Variants in MYH15 observed in about 807,000 individuals in gnomAD.
MYH15 encodes myosin-15.
Under a neutral mutation model 240.5 loss-of-function variants are expected in MYH15, and 227 were observed. The ratio of observed to expected loss-of-function variants is 0.94; its 90% confidence interval spans 0.85 to 1.05. MYH15 has a LOEUF of 1.05. Ranked by LOEUF, MYH15 falls within the 50% of genes least tolerant of loss-of-function variation. MYH15 has a pLI of 0.00. For synonymous variants in MYH15, 785 were observed against 796.7 expected, an observed-to-expected ratio of 0.99 and a Z score of 0.25; for missense variants, 2,217 against 2,247.5, an observed-to-expected ratio of 0.99 and a Z score of 0.27.
chr3:108,433,306 C>T lies in MYH15; in HGVS notation c.3222-2384G>A, dbSNP rs572075917. Among the ~76,000 whole-genome samples, 163 of 152,256 alleles carry T rather than the reference C, an allele frequency of 1.1e-3. 1 individual carries two copies. The South Asian group carries it at 0.011, about 10-fold the overall frequency. Reference sequence around the variant, plus strand: ...TGGCTGTATTTACCCAGTGCCTGTACCCCCATTGTGTCTAGGAAATAACTA... The same window carrying T: ...TGGCTGTATTTACCCAGTGCCTGTATCCCCATTGTGTCTAGGAAATAACTA... On this transcript the variant is annotated intron_variant, in intron 25 of 40. Coordinates refer to ENST00000693548, the MANE Select transcript of MYH15 (RefSeq NM_014981.3).
At chr3:108,408,532 C>A (rs562674066) in intron 31 of MYH15, 128 bp from the exon 32 acceptor site, 19 of 910,732 alleles carry the variant, frequency 2.1e-5, no homozygotes, top group Non-Finnish European at 2.9e-5. Context: ...AACTTGATGA[C>A]CTATCCTATA....
At chr3:108,549,782 G>A in the MYH15 span, 1 of 151,898 alleles carries the variant, frequency 6.6e-6, no homozygotes, top group Non-Finnish European at 1.5e-5. Context: ...GCTGTCTCAA[G>A]ATGTCTAAAT....
intron 38 of MYH15, 68 bp downstream of exon 38, chr3:108,388,902 G>A: frequency 1.1e-5 from 15 of 1,396,802 alleles, no homozygotes; most frequent in Non-Finnish European, 1.3e-5. Context: ...GCCATTTCAG[G>A]CTTGAAGGAG....
rs1207822793 is a variant in MYH15, at chr3:108,428,551, C to G, written c.3643G>C (p.Asp1215His). Residue 1215 changes from aspartate to histidine, a missense_variant, in exon 27 of 41, where the codon GAC becomes CAC. By Grantham distance (81) the Asp-to-His change is moderately conservative. Transcript: ENST00000693548. The stretch of plus-strand genomic sequence containing the variant: ...AGGTCATCTACTTCTAGCTGCAAGT[C>G]ACTCTTGTCTTTTTCCAGTTTCTGC... ...VKQKLEKDKSDLQLEVDDLLT... is the reference protein window; with the variant it reads ...VKQKLEKDKSHLQLEVDDLLT... 3 of 1,614,146 alleles carry G rather than the reference C, an allele frequency of 1.9e-6. No individual in the cohort carries two copies. The highest frequency in any genetic ancestry group is 1.1e-5 in the South Asian group (1 of 91,072).
intron 31 of MYH15, among the ~76,000 whole-genome samples, chr3:108,409,198 A>G (rs554018335): frequency 6.6e-6 from 1 of 152,288 alleles, no homozygotes; most frequent in Non-Finnish European, 1.5e-5. Flanking sequence ...ACAAAGACAA[A>G]TATGTTAGAT....
intron 11 of MYH15, among the ~76,000 whole-genome samples, chr3:108,481,966 A>G (rs935805944): frequency 1.3e-5 from 2 of 152,154 alleles, no homozygotes; most frequent in African/African-American, 2.4e-5. Flanking sequence ...GACTGACAGT[A>G]GCTTCTGGGT....
rs754046893 is a variant in MYH15 at position 108,455,757 on chromosome 3, C to A, written c.2241G>T (p.Gln747His). The A allele has an allele frequency of 1.2e-6, 2 of 1,613,890 alleles. No homozygotes were observed. Among genetic ancestry groups the A allele is most frequent in the East Asian group, 4.5e-5 (2 of 44,860 alleles). Residue 747 changes from glutamine to histidine, a missense_variant, in exon 20 of 41, where the codon CAG becomes CAT. Gln to His is a conservative substitution (Grantham distance 24). Transcript: ENST00000693548. ...TTACCTTAGTGATTCCAAATCGGTA[C>A]TGGGTATGGTCTATCTCCAAGGAGC... ...LLGSLEIDHTQYRFGITKVFF... is the reference protein window; with the variant it reads ...LLGSLEIDHTHYRFGITKVFF...
chr3:108,480,236 T>G (rs1051085483), intron 11 of MYH15, among the ~76,000 whole-genome samples: 5 of 152,152 alleles, frequency 3.3e-5, no homozygotes, highest in African/African-American at 1.2e-4. Flanking sequence ...CCTTGAAGGA[T>G]GACAAGAGTT....
chr3:108,442,453 T>C (rs11917472), intron 22 of MYH15, among the ~76,000 whole-genome samples: 4,393 of 152,214 alleles, frequency 0.029, 190 homozygotes, highest in African/African-American at 0.095. Flanking sequence ...AAGCTTCCAA[T>C]GTATGGGAAA....
the MYH15 span, among the ~76,000 whole-genome samples, chr3:108,536,244 GAC>G: frequency 2.0e-5 from 3 of 152,248 alleles, no homozygotes; most frequent in South Asian, 6.2e-4. Flanking sequence ...CATCCTAGGT[GAC>G]AGAGTGAGAC....
intron 38 of MYH15, among the ~76,000 whole-genome samples, chr3:108,386,172 T>C (rs957692033): frequency 2.6e-5 from 4 of 152,204 alleles, no homozygotes; most frequent in Non-Finnish European, 5.9e-5. Flanking sequence ...ATAATCAGTT[T>C]ACTGAGAAGA....
chr3:108,464,003 T>C (rs1391416835), intron 15 of MYH15, among the ~76,000 whole-genome samples: 1 of 152,122 alleles, frequency 6.6e-6, no homozygotes, highest in Non-Finnish European at 1.5e-5. Flanking sequence ...ACTGTATATA[T>C]CATTATAATT....
chr3:108,497,951 G>A (rs1201295107), intron 6 of MYH15, 101 bp downstream of exon 6: 1 of 921,752 alleles, frequency 1.1e-6, no homozygotes, highest in Non-Finnish European at 1.8e-6. Context: ...TTGTCCTGTG[G>A]TGCTTGTGGC....
Position 108,391,879 on chromosome 3 carries a change from A to C in MYH15, c.5311T>G (p.Leu1771Val), listed in dbSNP as rs758293096. The C allele has an allele frequency of 2.5e-6, 4 of 1,614,090 alleles. No homozygotes were observed. The highest frequency in any genetic ancestry group is 3.4e-6 in the Non-Finnish European group (4 of 1,179,988). Residue 1771 changes from leucine (L) to valine (V), a missense_variant, in exon 37 of 41, where the codon TTG (leucine) becomes GTG (valine). By Grantham distance (32) the Leu-to-Val change is conservative (BLOSUM62 1). Transcript: ENST00000693548. ...TCCATATTTTCTCTTGTCCTTTCCA[A>C]GTGGGCAATGGTGTCTTGCTTCTTC... ...LKKKQDTIAH[L>V]ERTRENMEQT...
chr3:108,453,202 C>T (rs1023777829), intron 21 of MYH15, among the ~76,000 whole-genome samples: 1 of 151,944 alleles, frequency 6.6e-6, no homozygotes, highest in Non-Finnish European at 1.5e-5. Flanking sequence ...GTTCTGTGAC[C>T]CCCAAACTCC....
At chr3:108,504,407 T>C (rs2083458921) in intron 2 of MYH15, among the ~76,000 whole-genome samples, 1 of 152,200 alleles carries the variant, frequency 6.6e-6, no homozygotes, top group Non-Finnish European at 1.5e-5. Flanking sequence ...ACGTAACAGA[T>C]ATTGACTGTC....
rs548983158 is a variant in MYH15, at chr3:108,436,055, T to C, written c.3221+1499A>G. ...TCTCTCACCTCAGGAAATTAATAGC[T>C]AATAATTCCAATACCATTTAAGTCT... On this transcript the variant is annotated intron_variant, in intron 25 of 40. Coordinates refer to ENST00000693548, the MANE Select transcript of MYH15 (RefSeq NM_014981.3). Among the ~76,000 whole-genome samples the C allele has an allele frequency of 2.3e-4, 35 of 152,302 alleles. No homozygotes were observed. The East Asian group carries it at 2.5e-3, about 11-fold the overall frequency.
At chr3:108,550,057 C>T in the MYH15 span, 8 of 151,860 alleles carry the variant, frequency 5.3e-5, 1 homozygote, top group Admixed American at 5.3e-4. Context: ...TCTAAATTCA[C>T]TTAAATCAAA....
At chr3:108,427,598 G>GACAC (rs71629356) in intron 27 of MYH15, among the ~76,000 whole-genome samples, 5 of 142,578 alleles carry the variant, frequency 3.5e-5, no homozygotes, top group Admixed American at 2.9e-4. Context: ...AATGGACTAA[G>GACAC]ACACACACAC....
Sources: allele counts gnomAD v4.1 joint callset (sites outside exome capture counted in the v4.1 genomes callset), GRCh38; gene constraint gnomAD v4.1.1; transcripts MANE v1.5; gene names NCBI Gene and HGNC (gene_info 2026-07-23, HGNC 2026-07-21).